Variants in FAM13A observed in about 807,000 individuals in gnomAD.
The protein encoded by FAM13A is protein FAM13A.
Under a neutral mutation model 129.6 loss-of-function variants are expected in FAM13A, and 76 were observed. That is an observed-to-expected ratio of 0.59 (90% confidence interval 0.49 to 0.71). The LOEUF (loss-of-function observed/expected upper bound fraction) is 0.71. Ranked by LOEUF, FAM13A falls within the 30% of genes least tolerant of loss-of-function variation. FAM13A has a pLI of 0.00. For missense variants in FAM13A, 1,108 were observed against 1,249.3 expected, an observed-to-expected ratio of 0.89 and a Z score of 1.70; for synonymous variants, 443 against 449.9, an observed-to-expected ratio of 0.98 and a Z score of 0.20.
chr4:88,838,204 A>C (rs1735162390), intron 7 of FAM13A, among the ~76,000 whole-genome samples: 1 of 152,210 alleles, frequency 6.6e-6, no homozygotes, highest in Admixed American at 6.5e-5. Context: ...CCAGGGATAT[A>C]CCTACGTATA....
At chr4:89,055,615 C>T (rs1028153447) in intron 1 of FAM13A, among the ~76,000 whole-genome samples, 1 of 152,184 alleles carries the variant, frequency 6.6e-6, no homozygotes, top group Non-Finnish European at 1.5e-5. Context: ...TCATTCTACA[C>T]ATTTTCAGTT....
intron 2 of FAM13A, among the ~76,000 whole-genome samples, chr4:89,020,966 A>G (rs1031782762): frequency 3.9e-5 from 6 of 152,236 alleles, no homozygotes. Context: ...AATTTCATTT[A>G]TATAATCTTC....
intron 1 of FAM13A, among the ~76,000 whole-genome samples, chr4:89,032,278 T>C (rs1396612773): frequency 1.0e-5 from 1 of 95,522 alleles, no homozygotes; most frequent in Admixed American, 9.3e-5. Context: ...TAAGGTATTC[T>C]GAGTCTACCT....
At chr4:88,944,335 G>A (rs995725949) in intron 4 of FAM13A, among the ~76,000 whole-genome samples, 1 of 152,206 alleles carries the variant, frequency 6.6e-6, no homozygotes, top group African/African-American at 2.4e-5. Context: ...CTGGGTGACA[G>A]AGCAAGACCC....
chr4:88,851,204 G>A, intron 6 of FAM13A, 21 bp from the exon 7 acceptor site: 2 of 1,534,188 alleles, frequency 1.3e-6, no homozygotes, highest in South Asian at 1.3e-5. Context: ...AAAAAAAGAG[G>A]GGTGGGGGAG....
intron 8 of FAM13A, among the ~76,000 whole-genome samples, chr4:88,798,442 T>C (rs1290667514): frequency 6.6e-6 from 1 of 152,080 alleles, no homozygotes; most frequent in Non-Finnish European, 1.5e-5. Flanking sequence ...TGAAAAACAA[T>C]AAAAACACAA....
rs184210083 is a variant in FAM13A, at chr4:88,900,050, T to G, written c.843+6329A>C. ...AGAATATCAGAGCTTGAAGACTCCC[T>G]TTCTGAAATAAGACAGGCAGACAAG... On this transcript the variant is annotated intron_variant, in intron 6 of 23. Transcript: ENST00000264344. Among the ~76,000 whole-genome samples the G allele has an allele frequency of 2.1e-3, 314 of 152,132 alleles. 1 individual carries two copies. The highest frequency in any genetic ancestry group is 0.014 in the South Asian group (68 of 4,820).
intron 12 of FAM13A, 50 bp downstream of exon 12, chr4:88,767,933 A>C: frequency 9.0e-7 from 1 of 1,116,110 alleles, no homozygotes; most frequent in Admixed American, 1.7e-5. Flanking sequence ...ACATGAAAAT[A>C]ACCTTTTCCT....
intron 6 of FAM13A, chr4:88,855,403 A>G (rs1738315982): frequency 6.6e-6 from 1 of 152,214 alleles, no homozygotes; most frequent in Non-Finnish European, 1.5e-5. Context: ...AGCATTCTAA[A>G]TAACCAAATT....
At chr4:88,836,656 T>C (rs1734849625) in intron 7 of FAM13A, among the ~76,000 whole-genome samples, 1 of 152,154 alleles carries the variant, frequency 6.6e-6, no homozygotes, top group Non-Finnish European at 1.5e-5. Flanking sequence ...ATTTAAAAAG[T>C]GTAGTTATAT....
intron 4 of FAM13A, among the ~76,000 whole-genome samples, chr4:88,950,888 G>A (rs972983422): frequency 1.3e-5 from 2 of 152,202 alleles, no homozygotes; most frequent in Non-Finnish European, 1.5e-5. Context: ...GCCAACAGCT[G>A]TTATTAAACC....
chr4:88,790,603 A>G lies in FAM13A; in HGVS notation c.1074T>C (p.Asn358=). 6.2e-7 allele frequency: 1 copy of G among 1,612,078 alleles called. No individual in the cohort carries two copies. The highest frequency in any genetic ancestry group is 8.5e-7 in the Non-Finnish European group (1 of 1,178,970). The part of the protein sequence containing the change: ...YLSAHVPQVS[N]VSATGELLER... ...TAACTTACTCTCCGGTTGCAGACAC[A>G]TTGCTGACTTGGGGTACATGAGCAC... Residue 358 remains asparagine (N), a synonymous_variant, in exon 9 of 24, where the codon AAT becomes AAC. Transcript: ENST00000264344.
At chr4:89,037,210 T>C (rs1031080951) in intron 1 of FAM13A, among the ~76,000 whole-genome samples, 1 of 152,162 alleles carries the variant, frequency 6.6e-6, no homozygotes, top group Non-Finnish European at 1.5e-5. Flanking sequence ...GCAACTGAGG[T>C]GCTGTACCCT....
chr4:88,982,639 T>TA lies in FAM13A; in HGVS notation c.605+8333dup, dbSNP rs1348831125. On this transcript the variant is annotated intron_variant, in intron 4 of 23. Transcript: ENST00000264344. ...ACCACTGAAAATCCAATACTCATTT[T>TA]AATAACTATCAAAACTTACAGAAGC... Among the ~76,000 whole-genome samples the TA allele has an allele frequency of 2.0e-5, 3 of 152,238 alleles. 1 individual carries two copies. The highest frequency in any genetic ancestry group is 7.2e-5 in the African/African-American group (3 of 41,456).
At chr4:88,775,240 C>A (rs116712135) in intron 11 of FAM13A, among the ~76,000 whole-genome samples, 2 of 152,096 alleles carry the variant, frequency 1.3e-5, no homozygotes, top group African/African-American at 4.8e-5. Context: ...GTATCAAACA[C>A]CCCAAGGCCT....
At chr4:88,971,406 T>C (rs982277758) in intron 4 of FAM13A, among the ~76,000 whole-genome samples, 2 of 152,214 alleles carry the variant, frequency 1.3e-5, no homozygotes, top group African/African-American at 2.4e-5. Context: ...TTTAGGTATA[T>C]TTTTATTATT....
Position 88,832,498 on chromosome 4 carries a change from G to A in FAM13A, c.1007+18522C>T, listed in dbSNP as rs570150296. Among the ~76,000 whole-genome samples the A allele has an allele frequency of 4.6e-4, 70 of 152,008 alleles. 1 individual carries two copies. Among genetic ancestry groups the A allele is most frequent in the Admixed American group, 1.3e-4 (2 of 15,270 alleles). ...TTTGCAATCTATCCAATTGACAAAG[G>A]TCTAATATTGAGTCTACGAGGAACT... On this transcript the variant is annotated intron_variant, in intron 7 of 23. Transcript: ENST00000264344.
At chr4:88,756,918 T>C (rs1216089135) in intron 14 of FAM13A, among the ~76,000 whole-genome samples, 1 of 152,152 alleles carries the variant, frequency 6.6e-6, no homozygotes, top group Non-Finnish European at 1.5e-5. Flanking sequence ...TAAAGATATG[T>C]ACATTCAATG....
At chr4:88,853,279 C>T (rs1433217983) in intron 6 of FAM13A, among the ~76,000 whole-genome samples, 1 of 152,054 alleles carries the variant, frequency 6.6e-6, no homozygotes, top group Admixed American at 6.5e-5. Context: ...AATATGTATA[C>T]ACTGTGGAAC....
Sources: gnomAD v4.1 joint callset for allele counts (sites outside exome capture counted in the v4.1 genomes callset) on GRCh38, gnomAD v4.1.1 for gene constraint, MANE v1.5 for transcripts, NCBI Gene and HGNC (gene_info 2026-07-23, HGNC 2026-07-21) for gene names.